CNTN5: variants seen among roughly 807,000 people sequenced by gnomAD.
The protein encoded by CNTN5 is contactin-5.
Under a neutral mutation model 129.1 loss-of-function variants are expected in CNTN5, and 77 were observed. The observed-to-expected ratio is 0.60, with a 90% confidence interval of 0.50 to 0.72. The LOEUF is 0.72. Ranked by LOEUF, CNTN5 falls within the 30% of genes least tolerant of loss-of-function variation. The pLI, the probability that CNTN5 is intolerant of heterozygous loss-of-function variation, is 0.00. For missense variants in CNTN5, 1,478 were observed against 1,328.8 expected (o/e 1.11, Z -1.75); for synonymous variants, 509 against 465.6 (o/e 1.09, Z -1.20).
chr11:99,323,251 G>A (rs1205898542), intron 1 of CNTN5, among the ~76,000 whole-genome samples: 1 of 152,046 alleles, frequency 6.6e-6, no homozygotes, highest in Non-Finnish European at 1.5e-5. Context: ...ATAAGTATAT[G>A]GTAGAAACTT....
chr11:99,409,990 T>A (rs1392584009), intron 2 of CNTN5, among the ~76,000 whole-genome samples: 1 of 152,250 alleles, frequency 6.6e-6, no homozygotes, highest in Non-Finnish European at 1.5e-5. Context: ...CTCAGGTTAT[T>A]CATTTATCCA....
intron 1 of CNTN5, among the ~76,000 whole-genome samples, chr11:99,257,700 T>A (rs1290221195): frequency 6.6e-6 from 1 of 152,088 alleles, no homozygotes; most frequent in East Asian, 1.9e-4. Flanking sequence ...ATGAAGACTG[T>A]CTTCTAATGT....
chr11:99,953,984 T>G (rs538224484), intron 7 of CNTN5, among the ~76,000 whole-genome samples: 2 of 152,280 alleles, frequency 1.3e-5, no homozygotes, highest in African/African-American at 4.8e-5. Flanking sequence ...GTCTTATGTT[T>G]AAGTCTTTAA....
intron 1 of CNTN5, among the ~76,000 whole-genome samples, chr11:99,057,433 T>C (rs1178785246): frequency 1.3e-5 from 2 of 151,818 alleles, no homozygotes; most frequent in Admixed American, 6.6e-5. Flanking sequence ...TTTCTAAGTG[T>C]GTTTTTAACA....
intron 3 of CNTN5, among the ~76,000 whole-genome samples, chr11:99,685,657 C>T (rs976531692): frequency 7.2e-5 from 11 of 151,914 alleles, no homozygotes; most frequent in Middle Eastern, 3.2e-3. Context: ...GATAAGCAAG[C>T]TTTCTTTGGT....
At chr11:99,802,884 C>T (rs1441419816) in intron 3 of CNTN5, among the ~76,000 whole-genome samples, 1 of 151,972 alleles carries the variant, frequency 6.6e-6, no homozygotes, top group Non-Finnish European at 1.5e-5. Context: ...AATGCAACAC[C>T]ATCTATGCAC....
intron 1 of CNTN5, among the ~76,000 whole-genome samples, chr11:99,284,642 TGTGTGTGTGTGTGTGTGTG>T (rs1397549520): frequency 1.4e-5 from 2 of 147,142 alleles, no homozygotes; most frequent in African/African-American, 5.1e-5. Flanking sequence ...TGTGTGTGTG[TGTGTGTGTGTGTGTGTGTG>T]GTGTGTGTAT....
intron 15 of CNTN5, among the ~76,000 whole-genome samples, chr11:100,221,790 G>T (rs1413847218): frequency 6.6e-6 from 1 of 151,630 alleles, no homozygotes; most frequent in Non-Finnish European, 1.5e-5. Flanking sequence ...TTGTTCATAA[G>T]GTCAACGAAA....
chr11:99,143,975 C>T (rs1429276012), intron 1 of CNTN5, among the ~76,000 whole-genome samples: 1 of 151,996 alleles, frequency 6.6e-6, no homozygotes, highest in Non-Finnish European at 1.5e-5. Flanking sequence ...TTATAGTGAC[C>T]ACATATTTTC....
At chr11:100,110,003 C>A (rs760333984) in intron 13 of CNTN5, among the ~76,000 whole-genome samples, 21 of 151,806 alleles carry the variant, frequency 1.4e-4, no homozygotes, top group Non-Finnish European at 1.9e-4. Flanking sequence ...CATGGTGAAA[C>A]CCTGTCTCTA....
chr11:99,235,884 T>C (rs1005196510), intron 1 of CNTN5, among the ~76,000 whole-genome samples: 12 of 152,166 alleles, frequency 7.9e-5, no homozygotes, highest in African/African-American at 2.9e-4. Context: ...TTGGGTTTTA[T>C]CCTTTCATGA....
intron 13 of CNTN5, among the ~76,000 whole-genome samples, chr11:100,176,851 GGTGTGTGTGT>G (rs3031275): frequency 1.3e-5 from 2 of 150,280 alleles, no homozygotes; most frequent in Non-Finnish European, 3.0e-5. Context: ...CATATAGTAT[GGTGTGTGTGT>G]GTGTGTGTGT....
chr11:100,280,065 C>G (rs1236172764), intron 18 of CNTN5, among the ~76,000 whole-genome samples: 1 of 151,380 alleles, frequency 6.6e-6, no homozygotes. Context: ...CTTCATTGAC[C>G]CATGGGTCAT....
intron 7 of CNTN5, among the ~76,000 whole-genome samples, chr11:99,925,719 T>G (rs537856420): frequency 5.4e-5 from 8 of 148,632 alleles, no homozygotes; most frequent in Non-Finnish European, 1.0e-4. Flanking sequence ...GTTTTGTGGG[T>G]TTTTTTTTTC....
chr11:99,826,433 G>C (rs1360217075), intron 4 of CNTN5, among the ~76,000 whole-genome samples: 3 of 152,096 alleles, frequency 2.0e-5, no homozygotes, highest in African/African-American at 7.2e-5. Context: ...CACAGAAACA[G>C]ACACACATAC....
At chr11:100,184,895 C>T (rs1215134457) in intron 13 of CNTN5, among the ~76,000 whole-genome samples, 1 of 151,852 alleles carries the variant, frequency 6.6e-6, no homozygotes, top group Non-Finnish European at 1.5e-5. Context: ...AAGAAGGGAC[C>T]CAGTGGGAGG....
intron 1 of CNTN5, among the ~76,000 whole-genome samples, chr11:99,081,456 C>T (rs1224642656): frequency 1.3e-5 from 2 of 152,160 alleles, no homozygotes; most frequent in Non-Finnish European, 2.9e-5. Context: ...TGGTCTAGTT[C>T]CTTTTCTCTG....
chr11:99,684,393 C>T (rs964845885), intron 3 of CNTN5, among the ~76,000 whole-genome samples: 4 of 151,668 alleles, frequency 2.6e-5, no homozygotes, highest in Non-Finnish European at 5.9e-5. Context: ...ATACTAAGTC[C>T]ACTTAACAAC....
At chr11:99,853,622 A>T (rs1010555422) in intron 6 of CNTN5, among the ~76,000 whole-genome samples, 1 of 152,002 alleles carries the variant, frequency 6.6e-6, no homozygotes, top group African/African-American at 2.4e-5. Flanking sequence ...CCTGGTCTGG[A>T]ACTCCCAACT....
Sources: gnomAD v4.1 joint callset for allele counts (sites outside exome capture counted in the v4.1 genomes callset) on GRCh38, gnomAD v4.1.1 for gene constraint, MANE v1.5 for transcripts, NCBI Gene and HGNC (gene_info 2026-07-23, HGNC 2026-07-21) for gene names.